The following SDK2 variants were observed in gnomAD, a reference collection of about 807,000 sequenced individuals.
SDK2 encodes the protein sidekick cell adhesion molecule 2, also known as protein sidekick-2.
SDK2 carries 105 observed loss-of-function variants against 253.9 expected under a neutral mutation model. The ratio of observed to expected loss-of-function variants is 0.41; its 90% confidence interval spans 0.35 to 0.49. SDK2 has a LOEUF of 0.49. Ranked by LOEUF, SDK2 falls within the 20% of genes least tolerant of loss-of-function variation. The pLI is 0.06. For synonymous variants in SDK2, 1,249 were observed against 1,234.9 expected, an observed-to-expected ratio of 1.01 and a Z score of -0.24; for missense variants, 2,608 against 3,003.0, an observed-to-expected ratio of 0.87 and a Z score of 3.07.
intron 1 of SDK2, among the ~76,000 whole-genome samples, chr17:73,526,239 G>A (rs1203368299): frequency 6.6e-6 from 1 of 152,194 alleles, no homozygotes; most frequent in Non-Finnish European, 1.5e-5. Flanking sequence ...TGATGGGGCT[G>A]GAGGGTGCAG....
chr17:73,578,131 C>T (rs1308488726), intron 1 of SDK2, among the ~76,000 whole-genome samples: 1 of 151,104 alleles, frequency 6.6e-6, no homozygotes, highest in Admixed American at 6.6e-5. Context: ...GCGATCTCAG[C>T]TCACTGCAAC....
chr17:73,488,437 G>A lies in SDK2; in HGVS notation c.225-16219C>T, dbSNP rs966779737. Among the ~76,000 whole-genome samples the A allele has an allele frequency of 2.6e-5, 4 of 152,330 alleles. No individual in the cohort carries two copies. The East Asian group carries it at 7.7e-4, about 29-fold the overall frequency. Reference sequence around the variant, plus strand: ...AACGATATGAGCATCTGTGGATTTTGCATTTGCTGTGCACAGTTTTGTCTG... The same window carrying A: ...AACGATATGAGCATCTGTGGATTTTACATTTGCTGTGCACAGTTTTGTCTG... On this transcript the variant is annotated intron_variant, in intron 2 of 44. Coordinates refer to ENST00000392650, the MANE Select transcript of SDK2 (RefSeq NM_001144952.2).
At chr17:73,542,717 C>A (rs201663879) in intron 1 of SDK2, among the ~76,000 whole-genome samples, 2 of 152,304 alleles carry the variant, frequency 1.3e-5, no homozygotes, top group East Asian at 3.9e-4. Flanking sequence ...GGGCCTCTAG[C>A]AGGGCCAGGC....
chr17:73,415,255 G>A (rs1450122461), intron 17 of SDK2, among the ~76,000 whole-genome samples: 24 of 152,152 alleles, frequency 1.6e-4, no homozygotes, highest in Admixed American at 1.5e-3. Flanking sequence ...CAAGGCTCTC[G>A]GGCCTGGACA....
rs891028232 is a variant in SDK2, at chr17:73,559,058, A to G, written c.65-51461T>C. 3.3e-5 allele frequency among the ~76,000 whole-genome samples: 5 copies of G among 152,218 alleles called. No individual in the cohort carries two copies. In the East Asian group the frequency reaches 9.6e-4, roughly 29 times the overall value. On this transcript the variant is annotated intron_variant, in intron 1 of 44. Transcript: ENST00000392650. The stretch of plus-strand genomic sequence containing the variant: ...ACCCATGGGAAGGAAAGAATGCACC[A>G]TCTCCTCCCCTTTTCTCTCTTCTCT...
intron 2 of SDK2, among the ~76,000 whole-genome samples, chr17:73,473,479 A>G (rs2063666199): frequency 6.6e-6 from 1 of 152,190 alleles, no homozygotes; most frequent in South Asian, 2.1e-4. Context: ...GGGTTTGCCC[A>G]GCAGACCTGG....
rs72844105 is a variant in SDK2 at position 73,414,865 on chromosome 17, C to T, written c.2369-106G>A. On this transcript the variant is annotated intron_variant, in intron 17 of 44. Coordinates refer to ENST00000392650, the MANE Select transcript of SDK2 (RefSeq NM_001144952.2). ...GGTGGGGGCTATAGCCTCTGCCTTGCACCCCCCTACCCCACCCCAACTCCT... is the reference window on the plus strand; with the variant it reads ...GGTGGGGGCTATAGCCTCTGCCTTGTACCCCCCTACCCCACCCCAACTCCT... 3,820 of 691,124 alleles carry T rather than the reference C, an allele frequency of 5.5e-3. 25 individuals carry two copies. The highest frequency in any genetic ancestry group is 6.6e-3 in the Non-Finnish European group (2,556 of 386,308). The allele number at this position is 691,124 out of a possible 1,614,324, so 42.8% of individuals were successfully genotyped here.
At position 73,435,529 on chromosome 17, in the gene SDK2, G is replaced by A. The variant is rs925920001; in HGVS notation, c.1116C>T (p.Pro372=). The A allele has an allele frequency of 1.3e-5, 20 of 1,599,290 alleles. No individual in the cohort carries two copies. The East Asian group carries it at 3.4e-4, about 27-fold the overall frequency. The change falls in exon 9 of 45, where the codon CCC becomes CCT. Residue 372 remains proline, a synonymous_variant. Transcript: ENST00000392650. The surrounding 1 kb of genome is among the most constrained non-coding windows in gnomAD (Gnocchi z 5.7). ...AGCACTGGAACATGCCGGTATCATC[G>A]GGCACCAGGCCGCTGATCTGCAGGC... is the stretch of plus-strand genomic sequence containing the variant. The part of the protein sequence containing the change: ...DGGLQISGLV[P]DDTGMFQCFA...
chr17:73,595,892 T>G (rs2045750969), intron 1 of SDK2, among the ~76,000 whole-genome samples: 1 of 151,744 alleles, frequency 6.6e-6, no homozygotes, highest in African/African-American at 2.4e-5. Flanking sequence ...CCCTGCTGCC[T>G]AGAAGCAGCC....
At chr17:73,488,914 G>A (rs1421863564) in intron 2 of SDK2, among the ~76,000 whole-genome samples, 1 of 151,932 alleles carries the variant, frequency 6.6e-6, no homozygotes, top group African/African-American at 2.4e-5. Context: ...TTCTACCAAC[G>A]TATCCGTCAC....
intron 1 of SDK2, among the ~76,000 whole-genome samples, chr17:73,550,510 G>A (rs1275140119): frequency 6.6e-6 from 1 of 152,146 alleles, no homozygotes; most frequent in Non-Finnish European, 1.5e-5. Context: ...GAGACCCTGG[G>A]TGGCGGGGGA....
intron 3 of SDK2, among the ~76,000 whole-genome samples, chr17:73,457,312 CCTCCCCT>C (rs2063535744): frequency 1.6e-5 from 1 of 62,176 alleles, no homozygotes; most frequent in African/African-American, 6.6e-5. Context: ...CCCCTCCCCC[CCTCCCCT>C]CTCCTCCCCT....
At chr17:73,594,299 G>A (rs2045724239) in intron 1 of SDK2, among the ~76,000 whole-genome samples, 1 of 152,080 alleles carries the variant, frequency 6.6e-6, no homozygotes. Flanking sequence ...CCTTCCCCCG[G>A]GCAGCAGCTG....
intron 14 of SDK2, 129 bp from the exon 15 acceptor site, chr17:73,422,563 G>A (rs531902769): frequency 4.9e-6 from 5 of 1,028,984 alleles, no homozygotes; most frequent in Non-Finnish European, 7.1e-6. Flanking sequence ...GCTTGGTGCA[G>A]GAGTGGCCCG....
intron 1 of SDK2, among the ~76,000 whole-genome samples, chr17:73,578,147 C>T (rs2045482485): frequency 6.6e-6 from 1 of 151,828 alleles, no homozygotes; most frequent in East Asian, 1.9e-4. Flanking sequence ...GCAACATCCA[C>T]CTCCCTGGTT....
chr17:73,421,350 A>G (rs1303569148), intron 15 of SDK2, among the ~76,000 whole-genome samples: 1 of 152,200 alleles, frequency 6.6e-6, no homozygotes, highest in Non-Finnish European at 1.5e-5. Flanking sequence ...CAAAACCACC[A>G]TGATTGATTT....
intron 1 of SDK2, among the ~76,000 whole-genome samples, chr17:73,595,358 A>G (rs920225919): frequency 6.6e-6 from 1 of 151,830 alleles, no homozygotes. Context: ...CTCTTGCCCT[A>G]TGGCTCCAGA....
chr17:73,584,895 G>T (rs764639964), intron 1 of SDK2, among the ~76,000 whole-genome samples: 2 of 152,254 alleles, frequency 1.3e-5, no homozygotes. Flanking sequence ...AGACGCTCAG[G>T]TCGAAGCCCG....
At chr17:73,561,889 G>A (rs1163100975) in intron 1 of SDK2, among the ~76,000 whole-genome samples, 1 of 152,222 alleles carries the variant, frequency 6.6e-6, no homozygotes, top group Non-Finnish European at 1.5e-5. Flanking sequence ...ACTTTGGGGG[G>A]CTGAGGCGGG....
Sources: gnomAD v4.1 joint callset for allele counts (sites outside exome capture counted in the v4.1 genomes callset) on GRCh38, gnomAD v4.1.1 for gene constraint, Gnocchi (gnomAD v3.1) non-coding constraint, MANE v1.5 for transcripts, NCBI Gene and HGNC (gene_info 2026-07-23, HGNC 2026-07-21) for gene names.